Variants in RNF34 observed in about 807,000 individuals in gnomAD.
RNF34 encodes E3 ubiquitin-protein ligase RNF34.
RNF34 carries 12 observed loss-of-function variants against 37.9 expected under a neutral mutation model. That is an observed-to-expected ratio of 0.32 (90% CI 0.20 to 0.51). RNF34 has a LOEUF of 0.51. RNF34 is among the 20% of genes least tolerant of loss of function. The probability of loss-of-function intolerance (pLI) is 0.97; values close to 1 mark genes in which losing one functional copy is unlikely to be tolerated. For synonymous variants in RNF34, 155 were observed against 177.2 expected (o/e 0.87, Z 1.00); for missense variants, 362 against 472.7 (o/e 0.77, Z 2.17).
intron 4 of RNF34, 35 bp downstream of exon 4, chr12:121,420,369 T>C: frequency 1.3e-6 from 2 of 1,554,716 alleles, no homozygotes; most frequent in Non-Finnish European, 1.7e-6. Context: ...TTCCCTGACA[T>C]GTCAGCCTGA....
chr12:121,405,395 A>G (rs1400249896), intron 1 of RNF34, among the ~76,000 whole-genome samples: 1 of 143,622 alleles, frequency 7.0e-6, no homozygotes, highest in Non-Finnish European at 1.5e-5. Context: ...TCAGCTGTAT[A>G]TTATCCAGAC....
Position 121,400,162 on chromosome 12 carries a change from T to A in RNF34, c.-51T>A, listed in dbSNP as rs1869833128. ...GGAGGTCGGCAGTGTGAGGAGCTGC[T>A]ATGGTGCTGAGTTTCCTGGTAGAGC... is the stretch of plus-strand genomic sequence containing the variant. On this transcript the variant is annotated 5_prime_UTR_variant, in exon 1 of 6. Coordinates refer to ENST00000361234, the MANE Select transcript of RNF34 (RefSeq NM_025126.4). 6.2e-7 allele frequency: 1 copy of A among 1,600,618 alleles called. No homozygotes were observed. Among genetic ancestry groups the A allele is most frequent in the East Asian group, 2.3e-5 (1 of 44,290 alleles).
chr12:121,420,196 A>G, intron 3 of RNF34, 46 bp from the exon 4 acceptor site: 1 of 1,583,842 alleles, frequency 6.3e-7, no homozygotes, highest in Non-Finnish European at 8.7e-7. Flanking sequence ...CTAGTGATAA[A>G]TACAGATTGA....
chr12:121,415,632 T>TTAAA (rs1244397557), intron 1 of RNF34, among the ~76,000 whole-genome samples: 1 of 151,986 alleles, frequency 6.6e-6, no homozygotes, highest in Non-Finnish European at 1.5e-5. Context: ...TAAATTTATT[T>TTAAA]TAAATAAATA....
chr12:121,404,387 CTTTTTT>C (rs782225104), intron 1 of RNF34, among the ~76,000 whole-genome samples: 2 of 65,824 alleles, frequency 3.0e-5, no homozygotes, highest in Non-Finnish European at 4.8e-5. Context: ...GTCATTTAAT[CTTTTTT>C]TTTTTTTTTT....
chr12:121,421,379 A>C (rs797024783), intron 5 of RNF34, among the ~76,000 whole-genome samples: 3,121 of 131,934 alleles, frequency 0.024, 140 homozygotes, highest in South Asian at 0.16. Context: ...TCTAAAAAAA[A>C]AAAAAAAAAA....
At chr12:121,406,467 AG>A (rs1205666154) in intron 1 of RNF34, among the ~76,000 whole-genome samples, 1 of 152,080 alleles carries the variant, frequency 6.6e-6, no homozygotes, top group Non-Finnish European at 1.5e-5. Flanking sequence ...TTTGTATTTC[AG>A]TAGAGATGGC....
At chr12:121,420,406 T>C (rs1872023162) in intron 4 of RNF34, 72 bp downstream of exon 4, 1 of 1,552,902 alleles carries the variant, frequency 6.4e-7, no homozygotes, top group African/African-American at 1.4e-5. Context: ...CCTGTGGACA[T>C]TCGCTAGATT....
chr12:121,415,303 CAG>C (rs1343828445), intron 1 of RNF34: 1 of 383,392 alleles, frequency 2.6e-6, no homozygotes, highest in African/African-American at 2.0e-5. Flanking sequence ...AATGCGAAAA[CAG>C]AGGTTTAAGG....
At chr12:121,411,640 T>G (rs1178802462) in intron 1 of RNF34, among the ~76,000 whole-genome samples, 1 of 152,226 alleles carries the variant, frequency 6.6e-6, no homozygotes, top group Non-Finnish European at 1.5e-5. Flanking sequence ...CTAAATAGCA[T>G]GTAAAATTTT....
chr12:121,405,360 C>T (rs1374556034), intron 1 of RNF34, among the ~76,000 whole-genome samples: 2 of 152,132 alleles, frequency 1.3e-5, no homozygotes, highest in Non-Finnish European at 2.9e-5. Flanking sequence ...GGTCTCCACT[C>T]AACTAGCTGG....
chr12:121,415,824 C>G (rs1288217131), intron 1 of RNF34, among the ~76,000 whole-genome samples: 2 of 143,736 alleles, frequency 1.4e-5, no homozygotes, highest in African/African-American at 5.1e-5. Flanking sequence ...TACCACAGGA[C>G]AGACTTTTGT....
intron 1 of RNF34, among the ~76,000 whole-genome samples, chr12:121,405,651 T>A (rs1253907191): frequency 6.6e-6 from 1 of 151,976 alleles, no homozygotes; most frequent in Non-Finnish European, 1.5e-5. Context: ...ACCTGGCTAA[T>A]TTTTGTATTT....
intron 3 of RNF34, chr12:121,419,805 C>G (rs1308106008): frequency 1.9e-5 from 3 of 158,482 alleles, no homozygotes; most frequent in African/African-American, 7.2e-5. Context: ...TGTGGTAGGA[C>G]TGAGATCTTT....
chr12:121,414,683 G>C (rs1010131541), intron 1 of RNF34, among the ~76,000 whole-genome samples: 1 of 151,510 alleles, frequency 6.6e-6, no homozygotes, highest in African/African-American at 2.4e-5. Flanking sequence ...TGTTGTTGTT[G>C]TTTTTTCGAG....
intron 1 of RNF34, 80 bp from the exon 2 acceptor site, chr12:121,416,079 C>A: frequency 8.5e-7 from 1 of 1,179,842 alleles, no homozygotes; most frequent in Non-Finnish European, 1.3e-6. Flanking sequence ...ACTTACCTCT[C>A]CAGAATAGCA....
At chr12:121,402,423 T>C (rs1387720840) in intron 1 of RNF34, among the ~76,000 whole-genome samples, 1 of 152,226 alleles carries the variant, frequency 6.6e-6, no homozygotes, top group Non-Finnish European at 1.5e-5. Flanking sequence ...GGTATTTACT[T>C]TCTCCCTTTG....
chr12:121,412,071 A>AT (rs1417838361), intron 1 of RNF34, among the ~76,000 whole-genome samples: 3 of 151,418 alleles, frequency 2.0e-5, no homozygotes, highest in African/African-American at 7.3e-5. Flanking sequence ...ATTATTATTA[A>AT]TTTTTTTTGA....
chr12:121,412,794 G>A (rs1871211775), intron 1 of RNF34, among the ~76,000 whole-genome samples: 1 of 146,512 alleles, frequency 6.8e-6, no homozygotes, highest in African/African-American at 2.6e-5. Flanking sequence ...GCGTGATCTC[G>A]GCTCACTGCA....
Sources: allele counts gnomAD v4.1 joint callset (sites outside exome capture counted in the v4.1 genomes callset), GRCh38; gene constraint gnomAD v4.1.1; transcripts MANE v1.5; gene names NCBI Gene and HGNC (gene_info 2026-07-23, HGNC 2026-07-21).